The following CUX1 variants were observed in gnomAD, a reference collection of about 807,000 sequenced individuals.
The protein encoded by CUX1 is protein CASP.
In CUX1, 31 loss-of-function variants were observed where a neutral mutation model predicts 158.8. The ratio of observed to expected loss-of-function variants is 0.20; its 90% confidence interval spans 0.15 to 0.26. The LOEUF is 0.26. Ranked by LOEUF, CUX1 falls within the 10% of genes least tolerant of loss-of-function variation. The pLI, the probability that CUX1 is intolerant of heterozygous loss-of-function variation, is 1.00. For synonymous variants in CUX1, 879 were observed against 862.1 expected (o/e 1.02, Z -0.34); for missense variants, 1,589 against 2,014.6 (o/e 0.79, Z 4.04).
At position 102,096,996 on chromosome 7, in the gene CUX1, C is replaced by T. The variant is rs375199982; in HGVS notation, c.269-368C>T. Among the ~76,000 whole-genome samples, 67 of 152,362 alleles carry T rather than the reference C, an allele frequency of 4.4e-4. 1 individual carries two copies. The highest frequency in any genetic ancestry group is 1.4e-3 in the African/African-American group (58 of 41,598). On this transcript the variant is annotated intron_variant, in intron 4 of 23. Coordinates refer to ENST00000292535, the MANE Select transcript of CUX1 (RefSeq NM_181552.4). ...TGTCCACGGACTTGTCCGTCCTCCACGTGCAGCTCCGGGGATGTGATTGAC... is the reference window on the plus strand; with the variant it reads ...TGTCCACGGACTTGTCCGTCCTCCATGTGCAGCTCCGGGGATGTGATTGAC...
In CUX1 at chr7:101,827,244, CCTTCTCTTCTCTTCT is replaced by C. The variant is rs538996031; in HGVS notation, c.30+9611_30+9625del. ...TATAACTTTTTTTCTCCCCTCCCCTCCTTCTCTTCTCTTCTCTTCTCTTCTCTTCTCTTCTCTTCT... is the reference window on the plus strand; with the variant it reads ...TATAACTTTTTTTCTCCCCTCCCCTCCTTCTCTTCTCTTCTCTTCTCTTCT... On this transcript the variant is annotated intron_variant, in intron 1 of 23. Transcript: ENST00000292535. 7.7e-3 allele frequency among the ~76,000 whole-genome samples: 997 copies of C among 129,786 alleles called. 6 individuals carry two copies. The highest frequency in any genetic ancestry group is 0.016 in the South Asian group (56 of 3,442). The allele number at this position is 129,786 out of a possible 152,430, so 85.1% of individuals were successfully genotyped here. A position where few individuals can be genotyped will look rare whatever the true frequency, so the allele number is the denominator to read the frequency against.
intron 23 of CUX1, among the ~76,000 whole-genome samples, chr7:102,247,869 A>C (rs1554537480): frequency 6.6e-6 from 1 of 151,192 alleles, no homozygotes; most frequent in African/African-American, 2.4e-5. Context: ...AGTGGCTCAC[A>C]CCTGTAATCC....
At chr7:102,283,480 T>C in exon 23 of CUX1, 1 of 230,260 alleles carries the variant, frequency 4.3e-6, no homozygotes, top group East Asian at 9.1e-5. Flanking sequence ...GCGATCCTCT[T>C]GGGCTCTCCT....
chr7:102,125,292 A>G (rs1554494826), intron 8 of CUX1, among the ~76,000 whole-genome samples: 1 of 152,168 alleles, frequency 6.6e-6, no homozygotes, highest in Non-Finnish European at 1.5e-5. Context: ...CTGGAAAGGT[A>G]AACTCAGGAT....
chr7:102,233,932 C>T (rs1554531668), intron 21 of CUX1, 120 bp from the exon 22 acceptor site: 1 of 683,324 alleles, frequency 1.5e-6, no homozygotes, highest in Admixed American at 3.7e-5. Flanking sequence ...GCTAGGATGT[C>T]ACCAGCCCAA....
intron 3 of CUX1, among the ~76,000 whole-genome samples, chr7:102,039,596 A>G (rs1821820407): frequency 6.6e-6 from 1 of 151,452 alleles, no homozygotes; most frequent in Non-Finnish European, 1.5e-5. Context: ...TTGAGGCTGC[A>G]GTAACCTATG....
In CUX1 at chr7:102,255,581, C is replaced by T. The variant is rs1789810017; in HGVS notation, c.*6539C>T. 1.0e-6 allele frequency: 1 copy of T among 985,360 alleles called. No homozygotes were observed. The highest frequency in any genetic ancestry group is 4.7e-5 in the South Asian group (1 of 21,288). 61.0% of individuals were successfully genotyped at this position (985,360 alleles called of 1,614,324 possible). The stretch of plus-strand genomic sequence containing the variant: ...TACTGTAATTTCTGTAGTGTTTACG[C>T]TTTAATTTCTACCACAAAATATGCT... On this transcript the variant is annotated 3_prime_UTR_variant, in exon 24 of 24. Coordinates refer to ENST00000292535, the MANE Select transcript of CUX1 (RefSeq NM_181552.4).
At chr7:101,966,227 G>A (rs1195854269) in intron 2 of CUX1, among the ~76,000 whole-genome samples, 6 of 151,542 alleles carry the variant, frequency 4.0e-5, no homozygotes, top group African/African-American at 1.2e-4. Flanking sequence ...CACCATGCCT[G>A]GCTAATTTTT....
intron 5 of CUX1, among the ~76,000 whole-genome samples, chr7:102,098,181 C>T (rs1829402249): frequency 6.6e-6 from 1 of 152,212 alleles, no homozygotes; most frequent in Admixed American, 6.5e-5. Flanking sequence ...GCAGCAGCAG[C>T]AGGCTTTTCA....
At chr7:101,845,291 TCTGTA>T (rs1795574379) in intron 1 of CUX1, among the ~76,000 whole-genome samples, 1 of 152,190 alleles carries the variant, frequency 6.6e-6, no homozygotes, top group Non-Finnish European at 1.5e-5. Flanking sequence ...TGACCTGTTC[TCTGTA>T]TCTCTTAACA....
intron 3 of CUX1, among the ~76,000 whole-genome samples, chr7:102,053,398 A>T (rs1823760952): frequency 6.6e-6 from 1 of 152,172 alleles, no homozygotes; most frequent in Non-Finnish European, 1.5e-5. Context: ...CTCATATGGA[A>T]ATGGAGTATC....
chr7:102,256,769 G>A lies in CUX1; in HGVS notation c.*7727G>A, dbSNP rs1389716356. 2 of 985,418 alleles carry A rather than the reference G, an allele frequency of 2.0e-6. No homozygotes were observed. Among genetic ancestry groups the A allele is most frequent in the East Asian group, 2.3e-4 (2 of 8,820 alleles). 61.0% of individuals were successfully genotyped at this position (985,418 alleles called of 1,614,324 possible). ...GGTTCATGAAGTTTCGGCGAGCCGT[G>A]GTCAGAGAGGGCGCGGTGGCCTGGC... On this transcript the variant is annotated 3_prime_UTR_variant, in exon 24 of 24. Coordinates refer to ENST00000292535, the MANE Select transcript of CUX1 (RefSeq NM_181552.4).
intron 1 of CUX1, among the ~76,000 whole-genome samples, chr7:101,831,312 A>G (rs1793979536): frequency 6.7e-6 from 1 of 149,410 alleles, no homozygotes; most frequent in Non-Finnish European, 1.5e-5. Flanking sequence ...TTTTTTCGAG[A>G]TGGAGTCTTG....
At chr7:101,873,697 C>CCT (rs1798829579) in intron 1 of CUX1, among the ~76,000 whole-genome samples, 1 of 152,184 alleles carries the variant, frequency 6.6e-6, no homozygotes, top group Non-Finnish European at 1.5e-5. Flanking sequence ...GATTCTCCTG[C>CCT]CTCAGCCTCC....
chr7:101,985,326 G>T (rs891925099), intron 2 of CUX1, among the ~76,000 whole-genome samples: 2 of 152,158 alleles, frequency 1.3e-5, no homozygotes, highest in African/African-American at 4.8e-5. Context: ...CCTGCCCTGT[G>T]GGGGAGACAC....
At chr7:102,237,936 CAGAG>C (rs782317563) in intron 22 of CUX1, among the ~76,000 whole-genome samples, 1 of 151,930 alleles carries the variant, frequency 6.6e-6, no homozygotes, top group Non-Finnish European at 1.5e-5. Context: ...GCAGCCGAGG[CAGAG>C]AGAGAGAGGA....
At chr7:101,826,324 G>A (rs1479723162) in intron 1 of CUX1, among the ~76,000 whole-genome samples, 1 of 151,700 alleles carries the variant, frequency 6.6e-6, no homozygotes, top group East Asian at 1.9e-4. Context: ...TCAGCCTCCC[G>A]GGTAGCTGGG....
intron 16 of CUX1, chr7:102,274,401 T>C: frequency 8.7e-7 from 1 of 1,152,542 alleles, no homozygotes; most frequent in Non-Finnish European, 1.3e-6. Context: ...CAAAGAGTAG[T>C]CCCTTCCTCT....
chr7:101,914,456 CTCCT>C lies in CUX1; in HGVS notation c.31-1643_31-1640del, dbSNP rs575814315. ...CGTCCTTCCCTCCCTCCGTCCTTCC[CTCCT>C]TCCTTCCTTCCTTCCCTTCTTCCTT... On this transcript the variant is annotated intron_variant, in intron 1 of 23. Transcript: ENST00000292535. Among the ~76,000 whole-genome samples, 930 of 139,518 alleles carry C rather than the reference CTCCT, an allele frequency of 6.7e-3. 10 individuals are homozygous for C. Among genetic ancestry groups the C allele is most frequent in the African/African-American group, 0.023 (863 of 37,054 alleles). The allele number at this position is 139,518 out of a possible 152,430, so 91.5% of individuals were successfully genotyped here.
Sources: allele counts gnomAD v4.1 joint callset (sites outside exome capture counted in the v4.1 genomes callset), GRCh38; gene constraint gnomAD v4.1.1; transcripts MANE v1.5; gene names NCBI Gene and HGNC (gene_info 2026-07-23, HGNC 2026-07-21).